The following KIAA1549L variants were observed in gnomAD, a reference collection of about 807,000 sequenced individuals.
The protein encoded by KIAA1549L is UPF0606 protein KIAA1549L.
In KIAA1549L, 88 loss-of-function variants were observed where a neutral mutation model predicts 160.7. That is an observed-to-expected ratio of 0.55 (90% CI 0.46 to 0.65). The LOEUF (loss-of-function observed/expected upper bound fraction) is 0.65, where lower values mean the gene tolerates loss of function less well. KIAA1549L is among the 30% of genes least tolerant of loss of function. KIAA1549L has a pLI of 0.00. For synonymous variants in KIAA1549L, 950 were observed against 976.7 expected (o/e 0.97, Z 0.51); for missense variants, 2,258 against 2,437.5 (o/e 0.93, Z 1.55).
At chr11:33,488,231 A>G (rs576505765) in intron 1 of KIAA1549L, among the ~76,000 whole-genome samples, 1 of 152,362 alleles carries the variant, frequency 6.6e-6, no homozygotes, top group Non-Finnish European at 1.5e-5. Context: ...AAAATGAATA[A>G]TGTTAATGTC....
intron 12 of KIAA1549L, among the ~76,000 whole-genome samples, chr11:33,597,694 A>G (rs1850237211): frequency 6.6e-6 from 1 of 152,188 alleles, no homozygotes; most frequent in African/African-American, 2.4e-5. Context: ...ATTCCCTGAC[A>G]GAGTTCCAGA....
At chr11:33,536,845 C>A (rs1301501317) in intron 1 of KIAA1549L, among the ~76,000 whole-genome samples, 1 of 152,252 alleles carries the variant, frequency 6.6e-6, no homozygotes, top group Non-Finnish European at 1.5e-5. Flanking sequence ...GCCTGGACCA[C>A]TGCAGGTGTT....
At chr11:33,568,368 T>C (rs1330812068) in intron 9 of KIAA1549L, 141 bp downstream of exon 9, 2 of 761,608 alleles carry the variant, frequency 2.6e-6, no homozygotes, top group Non-Finnish European at 3.9e-6. Context: ...AAGGCTGCTC[T>C]TAGGTTTTGG....
chr11:33,543,348 A>G lies in KIAA1549L; in HGVS notation c.1785A>G (p.Val595=). ...AAGAGGTTTTGAGTCTTCACACTGT[A>G]AATGGATTTGTCTCTGATTTCAGCA... ...PRKEVLSLHT[V]NGFVSDFSTG... The change falls in exon 2 of 21, where the codon GTA becomes GTG. Residue 595 remains valine, a synonymous_variant. Transcript: ENST00000658780. 6.2e-7 allele frequency: 1 copy of G among 1,614,072 alleles called. No individual in the cohort carries two copies. The highest frequency in any genetic ancestry group is 8.5e-7 in the Non-Finnish European group (1 of 1,179,896).
chr11:33,530,437 A>AAT (rs1853736393), intron 1 of KIAA1549L, among the ~76,000 whole-genome samples: 1 of 3,192 alleles, frequency 3.1e-4, no homozygotes, highest in African/African-American at 1.0e-3. Context: ...AAAAAAAAAA[A>AAT]TATATATATA....
At chr11:33,488,482 T>A (rs1852580992) in intron 1 of KIAA1549L, among the ~76,000 whole-genome samples, 1 of 152,210 alleles carries the variant, frequency 6.6e-6, no homozygotes, top group Non-Finnish European at 1.5e-5. Flanking sequence ...TGTGTCTTGT[T>A]TAATAGTTAC....
rs754261322 is a variant in KIAA1549L, at chr11:33,559,758, A to G, written c.3865A>G (p.Thr1289Ala). 2.5e-5 allele frequency: 41 copies of G among 1,613,688 alleles called. No individual in the cohort carries two copies. The highest frequency in any genetic ancestry group is 3.5e-5 in the Non-Finnish European group (41 of 1,179,830). The change falls in exon 7 of 21, where the codon ACG becomes GCG. Residue 1289 changes from threonine to alanine, a missense_variant. Transcript: ENST00000658780. The part of the protein sequence containing the change: ...KSNLTIQIVS[T>A]SNASQAVTLV... ...TCCTGTGTTGATTCAGATTGTGAGC[A>G]CGTCCAATGCCTCCCAGGCAGTCAC...
intron 11 of KIAA1549L, among the ~76,000 whole-genome samples, chr11:33,590,543 A>G (rs1850022354): frequency 6.6e-6 from 1 of 152,206 alleles, no homozygotes; most frequent in African/African-American, 2.4e-5. Context: ...GTGCAATAAA[A>G]CTTTGCCAGT....
At chr11:33,544,413 T>G (rs1854162231) in intron 2 of KIAA1549L, 77 bp downstream of exon 2, 1 of 1,460,596 alleles carries the variant, frequency 6.8e-7, no homozygotes, top group South Asian at 1.2e-5. Context: ...TCAAAGCATC[T>G]TCAAGCTCAA....
intron 1 of KIAA1549L, among the ~76,000 whole-genome samples, chr11:33,464,101 G>A (rs1851995203): frequency 6.6e-6 from 1 of 152,184 alleles, no homozygotes; most frequent in Non-Finnish European, 1.5e-5. Flanking sequence ...TTTCACAAGT[G>A]AGGAAACAGT....
chr11:33,640,657 C>T (rs981601521), intron 16 of KIAA1549L, among the ~76,000 whole-genome samples: 88 of 152,104 alleles, frequency 5.8e-4, no homozygotes, highest in African/African-American at 1.8e-3. Context: ...AGGATGTGCA[C>T]GACGTAAAAA....
At chr11:33,552,067 A>G (rs1348578426) in intron 5 of KIAA1549L, 41 bp from the exon 6 acceptor site, 8 of 1,606,874 alleles carry the variant, frequency 5.0e-6, no homozygotes, top group Admixed American at 1.7e-5. Context: ...GAACTGAGAC[A>G]TGGAGCTTTA....
intron 1 of KIAA1549L, among the ~76,000 whole-genome samples, chr11:33,530,858 G>A (rs992072670): frequency 6.6e-6 from 1 of 152,140 alleles, no homozygotes; most frequent in Non-Finnish European, 1.5e-5. Context: ...GAGATAATAT[G>A]CAACCTTATC....
Position 33,551,038 on chromosome 11 carries a change from A to G in KIAA1549L, c.3502-2A>G. ...GGTTTTGTGGGTCCATTTGTTTTGT[A>G]GGTGGACATTCTGGAATATTCTCAT... On this transcript the variant is annotated splice_acceptor_variant, in intron 4 of 20. Coordinates refer to ENST00000658780, the MANE Select transcript of KIAA1549L (RefSeq NM_012194.3). LOFTEE classifies it high-confidence loss of function. 2 of 1,612,878 alleles carry G rather than the reference A, an allele frequency of 1.2e-6. No individual in the cohort carries two copies. Among genetic ancestry groups the G allele is most frequent in the Non-Finnish European group, 1.7e-6 (2 of 1,178,816 alleles).
intron 7 of KIAA1549L, among the ~76,000 whole-genome samples, chr11:33,560,259 A>G (rs542597864): frequency 8.9e-4 from 136 of 152,298 alleles, no homozygotes; most frequent in Non-Finnish European, 1.7e-3. Flanking sequence ...GAGAAAACTG[A>G]AGCTCTAAGA....
intron 1 of KIAA1549L, among the ~76,000 whole-genome samples, chr11:33,432,296 C>G (rs1851266359): frequency 6.6e-6 from 1 of 152,248 alleles, no homozygotes; most frequent in African/African-American, 2.4e-5. Flanking sequence ...TGCCAGCACA[C>G]TGTCACCTCT....
intron 10 of KIAA1549L, among the ~76,000 whole-genome samples, chr11:33,577,518 C>T (rs1350799917): frequency 6.6e-6 from 1 of 152,046 alleles, no homozygotes; most frequent in Non-Finnish European, 1.5e-5. Context: ...TGAAGGGGTC[C>T]GCAGGGACAG....
In KIAA1549L at chr11:33,656,064, C is replaced by T. The variant is rs753418723; in HGVS notation, c.5813C>T (p.Pro1938Leu). 1 of 1,613,932 alleles carries T rather than the reference C, an allele frequency of 6.2e-7. No individual in the cohort carries two copies. Among genetic ancestry groups the T allele is most frequent in the Non-Finnish European group, 8.5e-7 (1 of 1,179,858 alleles). Residue 1938 changes from proline to leucine, a missense_variant, in exon 18 of 21, where the codon CCC becomes CTC. Coordinates refer to ENST00000658780, the MANE Select transcript of KIAA1549L (RefSeq NM_012194.3). Reference sequence around the variant, plus strand: ...ATGGTCATGGGCTCACCGCCTCCACCCGTACCTCCCCGGACTGGTCCTGTG... The same window carrying T: ...ATGGTCATGGGCTCACCGCCTCCACTCGTACCTCCCCGGACTGGTCCTGTG... Reference protein sequence around the residue: ...PEMVMGSPPPPVPPRTGPVAV... With the variant: ...PEMVMGSPPPLVPPRTGPVAV...
At chr11:33,536,564 G>A (rs1853898362) in intron 1 of KIAA1549L, among the ~76,000 whole-genome samples, 1 of 152,168 alleles carries the variant, frequency 6.6e-6, no homozygotes, top group African/African-American at 2.4e-5. Flanking sequence ...AAGTGGCTTG[G>A]CCTTTGATGA....
Sources: gnomAD v4.1 joint callset for allele counts (sites outside exome capture counted in the v4.1 genomes callset) on GRCh38, gnomAD v4.1.1 for gene constraint, MANE v1.5 for transcripts, NCBI Gene and HGNC (gene_info 2026-07-23, HGNC 2026-07-21) for gene names.